TMEFF2: variants seen among roughly 807,000 people sequenced by gnomAD.
The protein encoded by TMEFF2 is transmembrane protein with EGF like and two follistatin like domains 2.
TMEFF2 carries 28 observed loss-of-function variants against 53.8 expected under a neutral mutation model. The ratio of observed to expected loss-of-function variants is 0.52; its 90% confidence interval spans 0.39 to 0.71. The LOEUF is 0.71. TMEFF2 is among the 30% of genes least tolerant of loss of function. The probability of loss-of-function intolerance (pLI) is 0.00; values close to 1 mark genes in which losing one functional copy is unlikely to be tolerated. For missense variants in TMEFF2, 353 were observed against 455.2 expected (o/e 0.78, Z 2.04); for synonymous variants, 162 against 166.3 (o/e 0.97, Z 0.20).
chr2:192,037,336 A>G (rs1411225204), intron 5 of TMEFF2, among the ~76,000 whole-genome samples: 2 of 150,588 alleles, frequency 1.3e-5, no homozygotes, highest in African/African-American at 4.9e-5. Context: ...AAAGAAAGAA[A>G]AACAGAAAAC....
chr2:192,046,473 C>T (rs1687625360), intron 5 of TMEFF2, among the ~76,000 whole-genome samples: 2 of 152,262 alleles, frequency 1.3e-5, no homozygotes, highest in South Asian at 4.2e-4. Flanking sequence ...GCTGTATGTG[C>T]TCTGAATCAG....
At chr2:192,075,302 T>TAAATATATATATATATAAATAAATAA (rs1258473625) in intron 4 of TMEFF2, among the ~76,000 whole-genome samples, 6 of 38,088 alleles carry the variant, frequency 1.6e-4, no homozygotes, top group African/African-American at 4.8e-4. Flanking sequence ...TATATATATA[T>TAAATATATATATATATAAATAAATAA]ATATATATAT....
chr2:191,997,184 C>A (rs867600754), intron 7 of TMEFF2, among the ~76,000 whole-genome samples: 17 of 151,824 alleles, frequency 1.1e-4, no homozygotes, highest in Middle Eastern at 6.8e-3. Context: ...CAATGTTTTT[C>A]CATGTATAAT....
intron 5 of TMEFF2, among the ~76,000 whole-genome samples, chr2:192,016,956 A>G (rs1331394377): frequency 2.6e-5 from 4 of 152,178 alleles, no homozygotes; most frequent in Non-Finnish European, 5.9e-5. Context: ...TTAATTACAG[A>G]GTGTTGTTTT....
Position 192,089,543 on chromosome 2 carries a change from T to G in TMEFF2, c.440-31768A>C, listed in dbSNP as rs113398952. ...AGAATCTTTGACAGTCTTCATGTAT[T>G]TCTCCATACCCACAGAGTCCTGACC... On this transcript the variant is annotated intron_variant, in intron 4 of 9. Coordinates refer to ENST00000272771, the MANE Select transcript of TMEFF2 (RefSeq NM_016192.4). Among the ~76,000 whole-genome samples the G allele has an allele frequency of 4.4e-3, 676 of 152,164 alleles. 4 individuals are homozygous for G. Among genetic ancestry groups the G allele is most frequent in the African/African-American group, 0.015 (613 of 41,498 alleles).
intron 4 of TMEFF2, among the ~76,000 whole-genome samples, chr2:192,073,367 A>T (rs1290311808): frequency 6.6e-6 from 1 of 151,938 alleles, no homozygotes; most frequent in Non-Finnish European, 1.5e-5. Flanking sequence ...TCACTTGTGA[A>T]ACCTGCTTTT....
At chr2:192,161,543 A>G (rs1420836351) in intron 4 of TMEFF2, among the ~76,000 whole-genome samples, 1 of 152,210 alleles carries the variant, frequency 6.6e-6, no homozygotes. Context: ...GCACTTCCAA[A>G]TTTAAAGACT....
chr2:192,036,881 C>T (rs1420355077), intron 5 of TMEFF2: 2 of 152,178 alleles, frequency 1.3e-5, no homozygotes, highest in Non-Finnish European at 2.9e-5. Flanking sequence ...AGTAGCATCC[C>T]TTTCTCCCAG....
chr2:192,171,407 A>T (rs950959770), intron 4 of TMEFF2, among the ~76,000 whole-genome samples: 2 of 151,736 alleles, frequency 1.3e-5, no homozygotes, highest in Non-Finnish European at 2.9e-5. Context: ...TACTTCAGCA[A>T]GGCATGTTCT....
intron 4 of TMEFF2, among the ~76,000 whole-genome samples, chr2:192,083,074 A>G (rs924740410): frequency 2.6e-5 from 4 of 151,628 alleles, no homozygotes; most frequent in Non-Finnish European, 5.9e-5. Flanking sequence ...ATACTATAAT[A>G]TTATGTGCTA....
At chr2:192,175,131 C>G (rs1372807735) in intron 4 of TMEFF2, among the ~76,000 whole-genome samples, 1 of 151,652 alleles carries the variant, frequency 6.6e-6, no homozygotes, top group Non-Finnish European at 1.5e-5. Context: ...TTCATCTTTA[C>G]AGCCCCAGAA....
chr2:192,088,078 GT>G (rs1425330769), intron 4 of TMEFF2, among the ~76,000 whole-genome samples: 1 of 152,102 alleles, frequency 6.6e-6, no homozygotes, highest in Non-Finnish European at 1.5e-5. Context: ...TCAGTGTCAG[GT>G]TTTTTTGTCG....
chr2:191,980,034 T>C (rs1026937086), intron 7 of TMEFF2, among the ~76,000 whole-genome samples: 4 of 152,204 alleles, frequency 2.6e-5, no homozygotes, highest in African/African-American at 4.8e-5. Flanking sequence ...GCTCTCAGTC[T>C]TATTCGTTTA....
intron 7 of TMEFF2, among the ~76,000 whole-genome samples, chr2:191,970,639 A>C (rs1692608698): frequency 6.6e-6 from 1 of 152,142 alleles, no homozygotes; most frequent in Non-Finnish European, 1.5e-5. Context: ...GTGAGATAAT[A>C]AATTTCTGTA....
intron 5 of TMEFF2, among the ~76,000 whole-genome samples, chr2:192,047,549 C>T (rs1687654093): frequency 6.6e-6 from 1 of 152,152 alleles, no homozygotes; most frequent in Admixed American, 6.5e-5. Context: ...GATCATCTGT[C>T]CCAAATGCAT....
At chr2:192,033,382 TGGTGA>T in intron 5 of TMEFF2, among the ~76,000 whole-genome samples, 1 of 152,180 alleles carries the variant, frequency 6.6e-6, no homozygotes, top group South Asian at 2.1e-4. Context: ...AATGAGAACC[TGGTGA>T]CTCAGGAAGG....
At chr2:192,037,326 AAAG>A (rs1441295951) in intron 5 of TMEFF2, among the ~76,000 whole-genome samples, 22 of 148,530 alleles carry the variant, frequency 1.5e-4, no homozygotes, top group Middle Eastern at 3.5e-3. Flanking sequence ...AGAAAGAAAG[AAAG>A]AAAGAAAAAC....
At chr2:192,013,969 G>A (rs1292806772) in intron 5 of TMEFF2, among the ~76,000 whole-genome samples, 1 of 152,138 alleles carries the variant, frequency 6.6e-6, no homozygotes, top group Non-Finnish European at 1.5e-5. Context: ...TAGACATAAA[G>A]TTTAGATTCA....
At chr2:192,068,039 T>G (rs1442556968) in intron 4 of TMEFF2, among the ~76,000 whole-genome samples, 4 of 151,916 alleles carry the variant, frequency 2.6e-5, no homozygotes, top group Non-Finnish European at 5.9e-5. Flanking sequence ...CACTTGCATC[T>G]TCACAAAATT....
Sources: allele counts gnomAD v4.1 joint callset (sites outside exome capture counted in the v4.1 genomes callset), GRCh38; gene constraint gnomAD v4.1.1; transcripts MANE v1.5; gene names NCBI Gene and HGNC (gene_info 2026-07-23, HGNC 2026-07-21).